Variants in ST6GALNAC5 observed in about 807,000 individuals in gnomAD.
The protein encoded by ST6GALNAC5 is ST6 N-acetylgalactosaminide alpha-2,6-sialyltransferase 5, also known as alpha-N-acetylgalactosaminide alpha-2,6-sialyltransferase 5.
Under a neutral mutation model 33.6 loss-of-function variants are expected in ST6GALNAC5, and 27 were observed. That is an observed-to-expected ratio of 0.80 (90% CI 0.59 to 1.11). The LOEUF (loss-of-function observed/expected upper bound fraction) is 1.11. Among genes scored for constraint, ST6GALNAC5 ranks in the 50% least tolerant of loss-of-function variants. The pLI, the probability that ST6GALNAC5 is intolerant of heterozygous loss-of-function variation, is 0.00. For missense variants in ST6GALNAC5, 428 were observed against 454.0 expected, an observed-to-expected ratio of 0.94 and a Z score of 0.52; for synonymous variants, 194 against 171.2, an observed-to-expected ratio of 1.13 and a Z score of -1.04.
intron 2 of ST6GALNAC5, among the ~76,000 whole-genome samples, chr1:76,994,488 G>A (rs1400252475): frequency 6.6e-6 from 1 of 152,070 alleles, no homozygotes; most frequent in African/African-American, 2.4e-5. Flanking sequence ...TTTATATTTG[G>A]CCTCTTGTTA....
At chr1:76,948,893 G>A (rs1226723972) in intron 2 of ST6GALNAC5, among the ~76,000 whole-genome samples, 2 of 152,042 alleles carry the variant, frequency 1.3e-5, no homozygotes, top group Non-Finnish European at 2.9e-5. Flanking sequence ...CTGTGACACT[G>A]TGGTCATCAG....
intron 2 of ST6GALNAC5, among the ~76,000 whole-genome samples, chr1:76,953,431 C>A (rs756458507): frequency 6.6e-6 from 1 of 152,058 alleles, no homozygotes; most frequent in Non-Finnish European, 1.5e-5. Flanking sequence ...TGGATAACGA[C>A]GTTGGACATC....
At position 76,875,871 on chromosome 1, in the gene ST6GALNAC5, C is replaced by T. The variant is rs903653504; in HGVS notation, c.261+7129C>T. ...CACCTAGTTGGCATTGTAATTGTGA[C>T]TTCGAAAGGCCAGTCCACCGTTCTA... On this transcript the variant is annotated intron_variant, in intron 2 of 4. Transcript: ENST00000477717. Among the ~76,000 whole-genome samples the T allele has an allele frequency of 1.7e-4, 26 of 152,206 alleles. No homozygotes were observed. In the Middle Eastern group the frequency reaches 0.01, roughly 60 times the overall value.
At chr1:76,979,540 T>G (rs2100378791) in intron 2 of ST6GALNAC5, among the ~76,000 whole-genome samples, 1 of 152,250 alleles carries the variant, frequency 6.6e-6, no homozygotes, top group East Asian at 1.9e-4. Context: ...GAGCAGCCTC[T>G]TCAATAAATG....
chr1:76,931,127 G>A (rs993899400), intron 2 of ST6GALNAC5, among the ~76,000 whole-genome samples: 6 of 152,148 alleles, frequency 3.9e-5, no homozygotes, highest in African/African-American at 1.4e-4. Context: ...TGGGGGACCT[G>A]CATAGCAAGA....
chr1:76,886,030 C>T (rs1653885605), intron 2 of ST6GALNAC5, among the ~76,000 whole-genome samples: 1 of 152,184 alleles, frequency 6.6e-6, no homozygotes, highest in Non-Finnish European at 1.5e-5. Context: ...ACATATGCAG[C>T]CTCACGTTTG....
chr1:76,906,020 C>A (rs1325268556), intron 2 of ST6GALNAC5, among the ~76,000 whole-genome samples: 1 of 152,136 alleles, frequency 6.6e-6, no homozygotes, highest in Admixed American at 6.6e-5. Context: ...TGCTTGAAAG[C>A]AAACAAGATG....
intron 2 of ST6GALNAC5, among the ~76,000 whole-genome samples, chr1:76,970,155 G>C (rs1648685895): frequency 6.6e-6 from 1 of 152,040 alleles, no homozygotes; most frequent in Admixed American, 6.6e-5. Context: ...CTCCTCCAAA[G>C]GATTGCAGCC....
chr1:76,874,523 T>G (rs1175312787), intron 2 of ST6GALNAC5, among the ~76,000 whole-genome samples: 1 of 151,848 alleles, frequency 6.6e-6, no homozygotes, highest in Non-Finnish European at 1.5e-5. Context: ...GCAAGGAGAG[T>G]CAGTCTAAGT....
chr1:76,967,094 G>C (rs1206233476), intron 2 of ST6GALNAC5, among the ~76,000 whole-genome samples: 1 of 152,174 alleles, frequency 6.6e-6, no homozygotes, highest in Admixed American at 6.5e-5. Context: ...TTTGGTATCA[G>C]GATGATGCTG....
At chr1:76,925,427 C>A (rs1043433660) in intron 2 of ST6GALNAC5, among the ~76,000 whole-genome samples, 1 of 152,056 alleles carries the variant, frequency 6.6e-6, no homozygotes, top group Non-Finnish European at 1.5e-5. Context: ...CTGAGAGGAC[C>A]AGAGCTGAGT....
At chr1:76,990,007 A>G in intron 2 of ST6GALNAC5, among the ~76,000 whole-genome samples, 1 of 152,290 alleles carries the variant, frequency 6.6e-6, no homozygotes, top group East Asian at 1.9e-4. Context: ...TGCTTTTAGA[A>G]AATCTTAAAA....
At chr1:76,955,062 A>T (rs1351818123) in intron 2 of ST6GALNAC5, among the ~76,000 whole-genome samples, 1 of 152,182 alleles carries the variant, frequency 6.6e-6, no homozygotes, top group Non-Finnish European at 1.5e-5. Flanking sequence ...GTGAACAAAT[A>T]AGCACATTAG....
At chr1:76,906,889 C>T (rs1646869156) in intron 2 of ST6GALNAC5, among the ~76,000 whole-genome samples, 7 of 152,106 alleles carry the variant, frequency 4.6e-5, no homozygotes, top group Non-Finnish European at 1.5e-5. Flanking sequence ...CCACCTTGGC[C>T]CTTTACTACT....
chr1:77,008,567 C>A (rs1650511331), intron 2 of ST6GALNAC5, among the ~76,000 whole-genome samples: 1 of 152,058 alleles, frequency 6.6e-6, no homozygotes, highest in South Asian at 2.1e-4. Context: ...TCTCACTCTG[C>A]CTCCTAGGCT....
intron 2 of ST6GALNAC5, among the ~76,000 whole-genome samples, chr1:76,961,993 A>G (rs1305838278): frequency 2.6e-5 from 4 of 152,212 alleles, no homozygotes; most frequent in Non-Finnish European, 5.9e-5. Context: ...TGTGGTATGC[A>G]TGAATGAAGT....
intron 2 of ST6GALNAC5, among the ~76,000 whole-genome samples, chr1:76,874,493 G>A (rs568713202): frequency 3.3e-5 from 5 of 152,058 alleles, no homozygotes; most frequent in Admixed American, 6.5e-5. Context: ...CCCACAATAG[G>A]CTGTCTGCAA....
intron 2 of ST6GALNAC5, among the ~76,000 whole-genome samples, chr1:76,966,216 G>A (rs1342961110): frequency 6.6e-6 from 1 of 152,146 alleles, no homozygotes; most frequent in East Asian, 1.9e-4. Flanking sequence ...TCACCATATT[G>A]ATTCTTCCTA....
intron 2 of ST6GALNAC5, among the ~76,000 whole-genome samples, chr1:77,017,021 C>T: frequency 6.6e-6 from 1 of 151,746 alleles, no homozygotes; most frequent in East Asian, 1.9e-4. Context: ...CGGGTACAAT[C>T]ATTGAACCAA....
Sources: gnomAD v4.1 joint callset for allele counts (sites outside exome capture counted in the v4.1 genomes callset) on GRCh38, gnomAD v4.1.1 for gene constraint, MANE v1.5 for transcripts, NCBI Gene and HGNC (gene_info 2026-07-23, HGNC 2026-07-21) for gene names.